GBE1: variants seen among roughly 807,000 people sequenced by gnomAD.
GBE1 encodes the protein 1,4-alpha-glucan branching enzyme 1.
In GBE1, 70 loss-of-function variants were observed where a neutral mutation model predicts 88.8. The ratio of observed to expected loss-of-function variants is 0.79; its 90% CI spans 0.65 to 0.96. The LOEUF (loss-of-function observed/expected upper bound fraction) is 0.96. Ranked by LOEUF, GBE1 falls within the 40% of genes least tolerant of loss-of-function variation. The probability of loss-of-function intolerance (pLI) is 0.00; values close to 1 mark genes in which losing one functional copy is unlikely to be tolerated. For synonymous variants in GBE1, 284 were observed against 300.1 expected (o/e 0.95, Z 0.56); for missense variants, 872 against 871.0 (o/e 1.00, Z -0.01).
intron 1 of GBE1, among the ~76,000 whole-genome samples, chr3:81,755,580 T>C (rs1023978591): frequency 9.9e-5 from 15 of 152,142 alleles, no homozygotes; most frequent in South Asian, 2.1e-4. Flanking sequence ...TAAGTGCTTA[T>C]CAACGGATGA....
chr3:81,654,461 G>A lies in GBE1; in HGVS notation c.430-4540C>T, dbSNP rs549054705. On this transcript the variant is annotated intron_variant, in intron 3 of 15. Transcript: ENST00000429644. ...GGCCAACAGTTTTATATAAAAAATCGGATGTGTTCAGCTGGTTAGAAGTAA... is the reference window on the plus strand; with the variant it reads ...GGCCAACAGTTTTATATAAAAAATCAGATGTGTTCAGCTGGTTAGAAGTAA... The A allele has an allele frequency of 2.2e-4, 33 of 152,116 alleles. 1 individual carries two copies. The highest frequency in any genetic ancestry group is 1.9e-4 in the East Asian group (1 of 5,186). The allele number at this position is 152,116 out of a possible 1,614,324, so 9.4% of individuals were successfully genotyped here. A position where few individuals can be genotyped will look rare whatever the true frequency, so the allele number is the denominator to read the frequency against.
At chr3:81,539,700 G>T (rs1170397902) in intron 12 of GBE1, among the ~76,000 whole-genome samples, 5 of 151,964 alleles carry the variant, frequency 3.3e-5, no homozygotes, top group Non-Finnish European at 7.4e-5. Flanking sequence ...GTGAGGAAAA[G>T]GAAAGTCGGA....
At chr3:81,535,090 G>A in intron 14 of GBE1, 105 bp downstream of exon 14, 1 of 1,037,108 alleles carries the variant, frequency 9.6e-7, no homozygotes, top group Non-Finnish European at 1.4e-6. Context: ...GAAAATGAAT[G>A]TTTCTGTCAT....
chr3:81,493,365 A>G (rs1159034574), intron 15 of GBE1, among the ~76,000 whole-genome samples: 2 of 152,160 alleles, frequency 1.3e-5, no homozygotes, highest in African/African-American at 2.4e-5. Context: ...TTATAGTGAC[A>G]TATCTCAGAT....
intron 14 of GBE1, among the ~76,000 whole-genome samples, chr3:81,520,726 G>T (rs1049038133): frequency 5.9e-5 from 9 of 151,498 alleles, no homozygotes; most frequent in African/African-American, 2.2e-4. Context: ...AGTACATGTA[G>T]GTCTCAGCAT....
intron 1 of GBE1, among the ~76,000 whole-genome samples, chr3:81,726,709 G>C (rs1433944615): frequency 6.6e-6 from 1 of 151,360 alleles, no homozygotes; most frequent in African/African-American, 2.4e-5. Context: ...AGCCTCCCAA[G>C]TGGCTGGGAC....
At chr3:81,702,965 T>C (rs1007274765) in intron 2 of GBE1, among the ~76,000 whole-genome samples, 3 of 151,972 alleles carry the variant, frequency 2.0e-5, no homozygotes, top group African/African-American at 2.4e-5. Context: ...TTTATGTTTA[T>C]AGAAACTATT....
chr3:81,573,922 G>A (rs1703609621), intron 12 of GBE1, among the ~76,000 whole-genome samples: 1 of 152,078 alleles, frequency 6.6e-6, no homozygotes, highest in African/African-American at 2.4e-5. Context: ...AATGTTAACT[G>A]AGCAATATGA....
intron 7 of GBE1, among the ~76,000 whole-genome samples, chr3:81,626,235 T>TA (rs1704412433): frequency 6.6e-6 from 1 of 152,200 alleles, no homozygotes; most frequent in Non-Finnish European, 1.5e-5. Context: ...AAGGTAGTAG[T>TA]AAAAATCTTC....
intron 1 of GBE1, among the ~76,000 whole-genome samples, chr3:81,748,803 T>C (rs1706455137): frequency 6.6e-6 from 1 of 151,538 alleles, no homozygotes; most frequent in Non-Finnish European, 1.5e-5. Context: ...GGTCAAGAGA[T>C]CGAGACCATC....
At chr3:81,684,365 C>CA (rs916864971) in intron 2 of GBE1, among the ~76,000 whole-genome samples, 17 of 152,096 alleles carry the variant, frequency 1.1e-4, no homozygotes, top group African/African-American at 3.9e-4. Context: ...GTCACTTAAA[C>CA]AAAAAACATT....
intron 14 of GBE1, among the ~76,000 whole-genome samples, chr3:81,516,199 G>A (rs545521401): frequency 1.9e-4 from 29 of 151,718 alleles, no homozygotes; most frequent in Non-Finnish European, 3.5e-4. Flanking sequence ...CAAAGAACAG[G>A]ATGACTCTCT....
chr3:81,734,817 G>T (rs1200396103), intron 1 of GBE1, among the ~76,000 whole-genome samples: 1 of 152,136 alleles, frequency 6.6e-6, no homozygotes, highest in Non-Finnish European at 1.5e-5. Context: ...GACTACAGGA[G>T]TCACCCACTT....
chr3:81,503,595 G>T (rs767342334), intron 14 of GBE1, among the ~76,000 whole-genome samples: 10 of 152,158 alleles, frequency 6.6e-5, no homozygotes, highest in Admixed American at 2.0e-4. Flanking sequence ...AAGTACAAGT[G>T]ACAGTATTCA....
chr3:81,750,572 T>C (rs1399025965), intron 1 of GBE1, among the ~76,000 whole-genome samples: 11 of 64,128 alleles, frequency 1.7e-4, no homozygotes, highest in Admixed American at 1.5e-3. Context: ...TGTATATATA[T>C]ATACGTATAT....
intron 7 of GBE1, among the ~76,000 whole-genome samples, chr3:81,609,177 G>C (rs1325248566): frequency 6.6e-6 from 1 of 152,058 alleles, no homozygotes; most frequent in Non-Finnish European, 1.5e-5. Context: ...AGAAAAAAGG[G>C]GAATGAAAGT....
chr3:81,613,523 G>A (rs1041714501), intron 7 of GBE1, among the ~76,000 whole-genome samples: 1 of 151,700 alleles, frequency 6.6e-6, no homozygotes, highest in Non-Finnish European at 1.5e-5. Context: ...ACATGTATCT[G>A]TCTATTTTCT....
chr3:81,670,299 G>C (rs976795721), intron 3 of GBE1, among the ~76,000 whole-genome samples: 6 of 152,084 alleles, frequency 3.9e-5, no homozygotes, highest in Non-Finnish European at 8.8e-5. Flanking sequence ...CTCCAACAGG[G>C]AGACCCCTGG....
chr3:81,591,581 G>A (rs1371160750), intron 8 of GBE1, among the ~76,000 whole-genome samples: 2 of 152,004 alleles, frequency 1.3e-5, no homozygotes, highest in East Asian at 1.9e-4. Flanking sequence ...TCATAAAACT[G>A]AGACATAATA....
Sources: allele counts gnomAD v4.1 joint callset (sites outside exome capture counted in the v4.1 genomes callset), GRCh38; gene constraint gnomAD v4.1.1; transcripts MANE v1.5; gene names NCBI Gene and HGNC (gene_info 2026-07-23, HGNC 2026-07-21).